Variants in FTCDNL1 observed in about 807,000 individuals in gnomAD.
FTCDNL1 encodes the protein formiminotransferase N-terminal subdomain-containing protein.
A neutral mutation model predicts 5.9 loss-of-function variants in FTCDNL1; 11 were observed. The observed-to-expected ratio is 1.87, with a 90% CI of 1.18 to 3.10. The LOEUF (loss-of-function observed/expected upper bound fraction) is 3.10. Ranked by LOEUF, FTCDNL1 falls within the 30% of genes most tolerant of loss-of-function variation. The probability of loss-of-function intolerance (pLI) is 0.00; values close to 1 mark genes in which losing one functional copy is unlikely to be tolerated. For synonymous variants in FTCDNL1, 58 were observed against 24.8 expected, an observed-to-expected ratio of 2.34 and a Z score of -3.99; for missense variants, 115 against 65.5, an observed-to-expected ratio of 1.76 and a Z score of -2.61.
At chr2:199,666,627 G>C in the FTCDNL1 span, among the ~76,000 whole-genome samples, 1 of 152,078 alleles carries the variant, frequency 6.6e-6, no homozygotes, top group Non-Finnish European at 1.5e-5. Flanking sequence ...TTAATGATGT[G>C]ATACCTTGGT....
chr2:199,721,097 CTTTCT>C, the FTCDNL1 span, among the ~76,000 whole-genome samples: 5 of 152,212 alleles, frequency 3.3e-5, no homozygotes, highest in East Asian at 1.9e-4. Context: ...CCGCTTGTCT[CTTTCT>C]TTTGTCTTAT....
rs1020649342 is a variant in FTCDNL1 at position 199,802,514 on chromosome 2, G to A, written c.212-41679C>T. 2.6e-5 allele frequency among the ~76,000 whole-genome samples: 4 copies of A among 152,360 alleles called. No individual in the cohort carries two copies. The South Asian group carries it at 6.2e-4, about 24-fold the overall frequency. ...ACTCTGCATGGTTAGCCAGCCAGGAGTTCTGGAGCACTGGCTGCACAATCC... is the reference window on the plus strand; with the variant it reads ...ACTCTGCATGGTTAGCCAGCCAGGAATTCTGGAGCACTGGCTGCACAATCC... On this transcript the variant is annotated intron_variant, in intron 3 of 3. Transcript: ENST00000416668.
chr2:199,744,988 C>A, the FTCDNL1 span, among the ~76,000 whole-genome samples: 1 of 152,220 alleles, frequency 6.6e-6, no homozygotes, highest in Non-Finnish European at 1.5e-5. Context: ...GCTGGCAGCC[C>A]TCCCAGACGC....
intron 3 of FTCDNL1, among the ~76,000 whole-genome samples, chr2:199,773,411 A>G (rs1429247608): frequency 6.6e-6 from 1 of 152,216 alleles, no homozygotes; most frequent in South Asian, 2.1e-4. Context: ...CCCTGTATCC[A>G]GAAGTACTCA....
At chr2:199,830,099 A>G (rs1405698080) in intron 3 of FTCDNL1, among the ~76,000 whole-genome samples, 1 of 152,014 alleles carries the variant, frequency 6.6e-6, no homozygotes, top group African/African-American at 2.4e-5. Context: ...TTAAAATCTT[A>G]CAAGCATCCT....
intron 3 of FTCDNL1, among the ~76,000 whole-genome samples, chr2:199,762,363 G>A (rs1698312914): frequency 6.6e-6 from 1 of 152,154 alleles, no homozygotes; most frequent in Admixed American, 6.5e-5. Context: ...TGGGCAACAA[G>A]AGTGAAACTC....
At chr2:199,781,373 G>A (rs909612001) in intron 3 of FTCDNL1, among the ~76,000 whole-genome samples, 5 of 152,146 alleles carry the variant, frequency 3.3e-5, no homozygotes, top group African/African-American at 1.2e-4. Flanking sequence ...TTACCTTGGA[G>A]GTCATCTTCC....
At chr2:199,736,368 T>C in the FTCDNL1 span, among the ~76,000 whole-genome samples, 2 of 152,190 alleles carry the variant, frequency 1.3e-5, no homozygotes, top group African/African-American at 4.8e-5. Flanking sequence ...CTTAAACAAA[T>C]ACCAGTTTGC....
chr2:199,771,164 G>A (rs1211927096), intron 3 of FTCDNL1, among the ~76,000 whole-genome samples: 2 of 152,210 alleles, frequency 1.3e-5, no homozygotes, highest in African/African-American at 2.4e-5. Context: ...ACATATGAAT[G>A]TAAAAATTAG....
intron 3 of FTCDNL1, among the ~76,000 whole-genome samples, chr2:199,829,116 G>C (rs1702209976): frequency 6.6e-6 from 1 of 152,102 alleles, no homozygotes; most frequent in Non-Finnish European, 1.5e-5. Flanking sequence ...AGGCCATCAT[G>C]CAGTTTTGAA....
At chr2:199,741,997 C>A in the FTCDNL1 span, among the ~76,000 whole-genome samples, 1 of 152,144 alleles carries the variant, frequency 6.6e-6, no homozygotes, top group Non-Finnish European at 1.5e-5. Flanking sequence ...TAAACCAATA[C>A]TTGCCTACCG....
chr2:199,833,737 C>T (rs1394965322), intron 3 of FTCDNL1, among the ~76,000 whole-genome samples: 1 of 152,158 alleles, frequency 6.6e-6, no homozygotes, highest in Non-Finnish European at 1.5e-5. Flanking sequence ...TTCTTGGCTG[C>T]TGGCCACAGA....
chr2:199,740,485 G>A, the FTCDNL1 span, among the ~76,000 whole-genome samples: 3 of 152,166 alleles, frequency 2.0e-5, no homozygotes, highest in African/African-American at 7.2e-5. Flanking sequence ...GCTGCCCGGA[G>A]GAGTGGAGCA....
At position 199,763,519 on chromosome 2, in the gene FTCDNL1, C is replaced by T. The variant is rs74986489; in HGVS notation, c.212-2684G>A. ...AGCCTTCCTCAGCCTCCTCCCAGCT[C>T]CCTACTCACCTTTCCCCAAGCTCCC... On this transcript the variant is annotated intron_variant, in intron 3 of 3. Coordinates refer to the FTCDNL1 transcript ENST00000416668. Among the ~76,000 whole-genome samples the T allele has an allele frequency of 2.0e-5, 3 of 152,280 alleles. No homozygotes were observed. In the East Asian group the frequency reaches 5.8e-4, roughly 29 times the overall value.
chr2:199,748,906 C>T, the FTCDNL1 span, among the ~76,000 whole-genome samples: 1 of 152,116 alleles, frequency 6.6e-6, no homozygotes, highest in Non-Finnish European at 1.5e-5. Context: ...CCTTCCTGCT[C>T]ACCTCTCCTG....
intron 3 of FTCDNL1, among the ~76,000 whole-genome samples, chr2:199,770,708 G>A (rs1324985801): frequency 6.6e-6 from 1 of 152,136 alleles, no homozygotes; most frequent in Middle Eastern, 3.2e-3. Context: ...GGGGAGAATA[G>A]AGCCCTTTGG....
rs767333769 is a variant in FTCDNL1, at chr2:199,823,438, C to T, written c.212-3681G>A. On this transcript the variant is annotated intron_variant, in intron 3 of 4. Coordinates refer to ENST00000420128, the MANE Select transcript of FTCDNL1 (RefSeq NM_001363886.2). ...GATCCATCAGAGGAATCACTATCTA[C>T]GGCAGCTATAGCCTTACAAAATGTA... is the stretch of plus-strand genomic sequence containing the variant. 1.2e-4 allele frequency among the ~76,000 whole-genome samples: 19 copies of T among 152,252 alleles called. 1 individual carries two copies. Among genetic ancestry groups the T allele is most frequent in the African/African-American group, 1.9e-4 (8 of 41,536 alleles).
chr2:199,711,371 CG>C, the FTCDNL1 span, among the ~76,000 whole-genome samples: 124 of 65,054 alleles, frequency 1.9e-3, no homozygotes, highest in African/African-American at 3.9e-3. Flanking sequence ...TGTGAGGGGG[CG>C]GGGGGGGGAT....
intron 3 of FTCDNL1, among the ~76,000 whole-genome samples, chr2:199,797,867 T>TA (rs1700248347): frequency 6.6e-6 from 1 of 152,154 alleles, no homozygotes. Context: ...CGTTTTTGCT[T>TA]AAAGAGTTTA....
Sources: gnomAD v4.1 joint callset for allele counts (sites outside exome capture counted in the v4.1 genomes callset) on GRCh38, gnomAD v4.1.1 for gene constraint, MANE v1.5 for transcripts, NCBI Gene and HGNC (gene_info 2026-07-23, HGNC 2026-07-21) for gene names.